PRKAR1B: variants seen among roughly 807,000 people sequenced by gnomAD.
PRKAR1B encodes cAMP-dependent protein kinase type I-beta regulatory subunit.
In PRKAR1B, 22 loss-of-function variants were observed where a neutral mutation model predicts 46.5. The ratio of observed to expected loss-of-function variants is 0.47; its 90% CI spans 0.34 to 0.68. The LOEUF is 0.68. Ranked by LOEUF, PRKAR1B falls within the 30% of genes least tolerant of loss-of-function variation. The pLI, the probability that PRKAR1B is intolerant of heterozygous loss-of-function variation, is 0.01. For missense variants in PRKAR1B, 445 were observed against 535.6 expected (o/e 0.83, Z 1.67); for synonymous variants, 259 against 217.7 (o/e 1.19, Z -1.67).
chr7:632,703 G>C (rs771812580), intron 4 of PRKAR1B, among the ~76,000 whole-genome samples: 1 of 152,186 alleles, frequency 6.6e-6, no homozygotes, highest in Non-Finnish European at 1.5e-5. Flanking sequence ...TCCTCACACA[G>C]AAATGCCACG....
At chr7:576,238 G>C (rs1445397371) in intron 9 of PRKAR1B, among the ~76,000 whole-genome samples, 1 of 152,050 alleles carries the variant, frequency 6.6e-6, no homozygotes, top group Non-Finnish European at 1.5e-5. Flanking sequence ...TCTGCACACG[G>C]GCGGGTGTGC....
At chr7:653,012 C>A (rs1480103538) in intron 4 of PRKAR1B, among the ~76,000 whole-genome samples, 1 of 152,164 alleles carries the variant, frequency 6.6e-6, no homozygotes, top group Non-Finnish European at 1.5e-5. Context: ...AGCTCCACCC[C>A]CAGGAGTCCC....
At chr7:660,918 G>A (rs1583375325) in intron 4 of PRKAR1B, among the ~76,000 whole-genome samples, 2 of 94,652 alleles carry the variant, frequency 2.1e-5, no homozygotes. Flanking sequence ...CTCCCCCCAT[G>A]GCACAGGTCC....
intron 7 of PRKAR1B, among the ~76,000 whole-genome samples, chr7:590,980 A>T (rs952372818): frequency 1.2e-4 from 19 of 152,142 alleles, no homozygotes; most frequent in African/African-American, 4.6e-4. Context: ...AGCCCAGGCC[A>T]TTTTAGATTT....
Position 673,606 on chromosome 7 carries a change from C to T in PRKAR1B, c.440+3623G>A, listed in dbSNP as rs560921973. ...AGAGCTTGCAGTGAGCCGAGATCGC[C>T]CCACTGCACTGAAGCCTGGGCAACA... On this transcript the variant is annotated intron_variant, in intron 4 of 10. Coordinates refer to ENST00000537384, the MANE Select transcript of PRKAR1B (RefSeq NM_001164760.2). Among the ~76,000 whole-genome samples, 17 of 151,394 alleles carry T rather than the reference C, an allele frequency of 1.1e-4. No homozygotes were observed. The South Asian group carries it at 3.5e-3, about 31-fold the overall frequency.
chr7:576,291 C>G (rs1418361219), intron 9 of PRKAR1B, among the ~76,000 whole-genome samples: 1 of 152,210 alleles, frequency 6.6e-6, no homozygotes, highest in Non-Finnish European at 1.5e-5. Context: ...TCGGGGCCCG[C>G]CAGAGCCTCC....
chr7:687,962 G>C (rs187896910), intron 2 of PRKAR1B, among the ~76,000 whole-genome samples: 1 of 151,554 alleles, frequency 6.6e-6, no homozygotes, highest in East Asian at 1.9e-4. Context: ...CGGGCATGGT[G>C]GCAGGCACCT....
chr7:673,076 A>AAAAAAAAAAC (rs1409072522), intron 4 of PRKAR1B, among the ~76,000 whole-genome samples: 2 of 145,006 alleles, frequency 1.4e-5, no homozygotes, highest in Admixed American at 7.0e-5. Flanking sequence ...AAAAAAAAAA[A>AAAAAAAAAAC]AACACACACA....
intron 4 of PRKAR1B, among the ~76,000 whole-genome samples, chr7:633,911 G>C (rs767580277): frequency 1.4e-4 from 21 of 152,204 alleles, no homozygotes; most frequent in Non-Finnish European, 2.4e-4. Context: ...TTTGGACCAG[G>C]CACAGTGGCT....
At chr7:642,988 A>AC (rs1784466012) in intron 4 of PRKAR1B, among the ~76,000 whole-genome samples, 1 of 151,302 alleles carries the variant, frequency 6.6e-6, no homozygotes, top group Admixed American at 6.6e-5. Context: ...GATGGTGCTA[A>AC]CCCCGCACTT....
chr7:576,232 C>T (rs1264593561), intron 9 of PRKAR1B, among the ~76,000 whole-genome samples: 2 of 151,788 alleles, frequency 1.3e-5, no homozygotes, highest in Non-Finnish European at 2.9e-5. Flanking sequence ...CTCTCCTCTG[C>T]ACACGGGCGG....
At chr7:600,388 C>T (rs1048832473) in intron 6 of PRKAR1B, among the ~76,000 whole-genome samples, 2 of 152,078 alleles carry the variant, frequency 1.3e-5, no homozygotes, top group African/African-American at 2.4e-5. Context: ...AGTGGTAGTC[C>T]CAGCTTCTCG....
intron 4 of PRKAR1B, among the ~76,000 whole-genome samples, chr7:635,459 C>G (rs990188872): frequency 6.6e-6 from 1 of 152,188 alleles, no homozygotes; most frequent in Non-Finnish European, 1.5e-5. Context: ...GCCTGCACCC[C>G]CCTGGGGCTC....
At chr7:686,520 C>A (rs2128512254) in intron 2 of PRKAR1B, among the ~76,000 whole-genome samples, 1 of 152,226 alleles carries the variant, frequency 6.6e-6, no homozygotes, top group East Asian at 1.9e-4. Context: ...TTTACTACCA[C>A]TCTGACCCAA....
intron 9 of PRKAR1B, among the ~76,000 whole-genome samples, chr7:567,759 G>A (rs1269658190): frequency 6.6e-6 from 1 of 152,206 alleles, no homozygotes; most frequent in Non-Finnish European, 1.5e-5. Context: ...CTATGCAAGT[G>A]AAATAAGCTA....
At chr7:676,077 C>G (rs762373998) in intron 4 of PRKAR1B, among the ~76,000 whole-genome samples, 1 of 152,016 alleles carries the variant, frequency 6.6e-6, no homozygotes, top group African/African-American at 2.4e-5. Context: ...GAGGACGCCC[C>G]GAGTATGGGA....
At chr7:726,856 C>T in intron 1 of PRKAR1B, 4 of 1,317,942 alleles carry the variant, frequency 3.0e-6, no homozygotes, top group Non-Finnish European at 3.9e-6. Flanking sequence ...CAAGCCGGGC[C>T]GGCGGCGCGC....
rs139854485 is a variant in PRKAR1B at position 648,345 on chromosome 7, C to T, written c.440+28884G>A. ...TAAACCCATAGGCAGGGCATGGTGG[C>T]TCACGTCTGTCATCCCAGCACTGTG... On this transcript the variant is annotated intron_variant, in intron 4 of 10. Transcript: ENST00000537384. 9.1e-3 allele frequency among the ~76,000 whole-genome samples: 1,382 copies of T among 152,202 alleles called. 15 individuals carry two copies. The highest frequency in any genetic ancestry group is 0.031 in the African/African-American group (1,307 of 41,504).
intron 9 of PRKAR1B, among the ~76,000 whole-genome samples, chr7:562,268 T>C (rs1778851637): frequency 7.6e-6 from 1 of 131,964 alleles, no homozygotes; most frequent in Non-Finnish European, 1.6e-5. Context: ...GGGGCAGCCA[T>C]TCCTGCTCCA....
Sources: allele counts gnomAD v4.1 joint callset (sites outside exome capture counted in the v4.1 genomes callset), GRCh38; gene constraint gnomAD v4.1.1; transcripts MANE v1.5; gene names NCBI Gene and HGNC (gene_info 2026-07-23, HGNC 2026-07-21).